The following SLC9A7 variants were observed in gnomAD, a reference collection of about 807,000 sequenced individuals.
The protein encoded by SLC9A7 is solute carrier family 9 member A7, also known as sodium/hydrogen exchanger 7.
SLC9A7 carries 19 observed loss-of-function variants against 52.6 expected under a neutral mutation model. The observed-to-expected ratio is 0.36, with a 90% CI of 0.25 to 0.53. SLC9A7 has a LOEUF of 0.53. Among genes scored for constraint, SLC9A7 ranks in the 20% least tolerant of loss-of-function variants. The pLI is 0.91. For synonymous variants in SLC9A7, 226 were observed against 252.1 expected, an observed-to-expected ratio of 0.90 and a Z score of 0.98; for missense variants, 455 against 597.9, an observed-to-expected ratio of 0.76 and a Z score of 2.49.
intron 14 of SLC9A7, among the ~76,000 whole-genome samples, chrX:46,624,165 T>C (rs774008239): frequency 1.2e-3 from 133 of 112,353 alleles, no homozygotes; most frequent in African/African-American, 3.9e-3. Flanking sequence ...TATAACAAAC[T>C]GGTAATGGTA....
At chrX:46,646,948 T>C in intron 11 of SLC9A7, 1 of 320,870 alleles carries the variant, frequency 3.1e-6, no homozygotes, top group Non-Finnish European at 6.0e-6. Context: ...GATGCTGCTG[T>C]AGAAGGGATG....
At position 46,606,727 on chromosome X, in the gene SLC9A7, T is replaced by A; in HGVS notation, c.*225A>T. On this transcript the variant is annotated 3_prime_UTR_variant, in exon 17 of 17. Transcript: ENST00000616978. ...AACTCTGAAACAGCGCACTACTATG[T>A]GAAAAAAGTGGGAATAGGTCTACGT... is the stretch of plus-strand genomic sequence containing the variant. 5 of 1,072,170 alleles carry A rather than the reference T, an allele frequency of 4.7e-6. No individual in the cohort carries two copies. Among genetic ancestry groups the A allele is most frequent in the Non-Finnish European group, 6.0e-6 (5 of 830,683 alleles). The allele number at this position is 1,072,170 out of a possible 1,213,427, so 88.4% of individuals were successfully genotyped here.
chrX:46,708,991 G>C (rs749307581), intron 1 of SLC9A7, among the ~76,000 whole-genome samples: 1 of 111,539 alleles, frequency 9.0e-6, no homozygotes. Flanking sequence ...TTAAAAATAA[G>C]ATAAATGCGT....
chrX:46,731,758 A>C (rs1427656965), intron 1 of SLC9A7, among the ~76,000 whole-genome samples: 1 of 111,283 alleles, frequency 9.0e-6, no homozygotes, highest in African/African-American at 3.3e-5. Flanking sequence ...ATAAAGGGCT[A>C]ATCTCTGTAA....
Position 46,758,982 on chromosome X carries a change from C to T in SLC9A7, c.48G>A (p.Gly16=). The T allele has an allele frequency of 2.9e-6, 3 of 1,022,883 alleles. No individual in the cohort carries two copies. The highest frequency in any genetic ancestry group is 8.4e-5 in the East Asian group (2 of 23,803). 84.3% of individuals were successfully genotyped at this position (1,022,883 alleles called of 1,213,427 possible). A position where few individuals can be genotyped will look rare whatever the true frequency, so the allele number is the denominator to read the frequency against. The change falls in exon 1 of 17, where the codon GGG becomes GGA. Residue 16 remains glycine, a synonymous_variant. Transcript: ENST00000616978. ...GCAGCAGCAGCCGCGGCGGCGGCGC[C>T]CCGGTAGCCCGACCCGAGCCAGGGC... ...AARPGSGRAT[G]APPPRLLLLP...
Position 46,605,529 on chromosome X carries a change from CAG to C in SLC9A7, c.*1421_*1422del, listed in dbSNP as rs1209439592. ...CTCGGACTCTTAAGCTTATAGAAGA[CAG>C]AGCTTTCTAGTGGGCTGAAAATACT... On this transcript the variant is annotated 3_prime_UTR_variant, in exon 17 of 17. Coordinates refer to ENST00000616978, the MANE Select transcript of SLC9A7 (RefSeq NM_001257291.2). 1.8e-5 allele frequency: 2 copies of C among 111,739 alleles called. No homozygotes were observed. The highest frequency in any genetic ancestry group is 3.8e-5 in the Non-Finnish European group (2 of 53,217). 9.2% of individuals were successfully genotyped at this position (111,739 alleles called of 1,213,427 possible). A position where few individuals can be genotyped will look rare whatever the true frequency, so the allele number is the denominator to read the frequency against.
chrX:46,738,031 A>AAAGAAAGAAAGAAAG (rs1945150816), intron 1 of SLC9A7, among the ~76,000 whole-genome samples: 1 of 70,391 alleles, frequency 1.4e-5, no homozygotes, highest in African/African-American at 6.5e-5. Context: ...TGTCTCAAAA[A>AAAGAAAGAAAGAAAG]AAAGAAAGAA....
chrX:46,678,565 TA>T (rs1294536098), intron 3 of SLC9A7, among the ~76,000 whole-genome samples: 1 of 107,754 alleles, frequency 9.3e-6, no homozygotes, highest in Non-Finnish European at 1.9e-5. Flanking sequence ...CCTCCAAGAG[TA>T]ACTAGGACCA....
At chrX:46,741,295 T>C (rs1921334889) in intron 1 of SLC9A7, among the ~76,000 whole-genome samples, 1 of 111,527 alleles carries the variant, frequency 9.0e-6, no homozygotes, top group Non-Finnish European at 1.9e-5. Context: ...CTAAAATGTA[T>C]ATGGAAAGGC....
At chrX:46,670,551 G>A (rs778132395) in intron 4 of SLC9A7, among the ~76,000 whole-genome samples, 3 of 111,208 alleles carry the variant, frequency 2.7e-5, no homozygotes, top group African/African-American at 9.8e-5. Flanking sequence ...AGCAGCAGCT[G>A]CAGGGGTTAG....
intron 4 of SLC9A7, among the ~76,000 whole-genome samples, chrX:46,671,053 T>G (rs1261662094): frequency 1.8e-5 from 2 of 111,886 alleles, no homozygotes; most frequent in African/African-American, 6.5e-5. Flanking sequence ...AGCCCCTCCT[T>G]TTTTGATGGC....
chrX:46,706,361 G>A lies in SLC9A7; in HGVS notation c.326-23826C>T, dbSNP rs139013076. 9.5e-4 allele frequency among the ~76,000 whole-genome samples: 102 copies of A among 107,520 alleles called. 1 individual carries two copies. In the East Asian group the frequency reaches 0.016, roughly 17 times the overall value. 93.4% of individuals were successfully genotyped at this position (107,520 alleles called of 115,157 possible). A position where few individuals can be genotyped will look rare whatever the true frequency, so the allele number is the denominator to read the frequency against. On this transcript the variant is annotated intron_variant, in intron 1 of 16. Coordinates refer to ENST00000616978, the MANE Select transcript of SLC9A7 (RefSeq NM_001257291.2). ...TAGCTGGAAGGTATAGATGTAATAA[G>A]ACGGATCATGAGCTGGTAATTAACA...
At chrX:46,669,826 A>T in intron 4 of SLC9A7, 107 bp from the exon 5 acceptor site, 1 of 371,487 alleles carries the variant, frequency 2.7e-6, no homozygotes. Context: ...TATGAAAACA[A>T]CAGGCAGCTG....
chrX:46,618,345 C>T (rs775405853), intron 15 of SLC9A7, among the ~76,000 whole-genome samples: 97 of 111,706 alleles, frequency 8.7e-4, no homozygotes, highest in African/African-American at 3.1e-3. Flanking sequence ...TCTGCAATTG[C>T]TAATACCCCT....
intron 1 of SLC9A7, among the ~76,000 whole-genome samples, chrX:46,694,535 T>C (rs1236960875): frequency 9.0e-6 from 1 of 111,647 alleles, no homozygotes; most frequent in African/African-American, 3.3e-5. Context: ...AAAACCATAA[T>C]GAAATACCAT....
intron 7 of SLC9A7, among the ~76,000 whole-genome samples, chrX:46,657,546 A>G (rs1943724209): frequency 9.2e-6 from 1 of 108,127 alleles, no homozygotes; most frequent in Non-Finnish European, 1.9e-5. Context: ...AGCAAATGGA[A>G]AACAAAAAAA....
chrX:46,680,384 G>A (rs1049625391), intron 2 of SLC9A7, among the ~76,000 whole-genome samples: 1 of 109,759 alleles, frequency 9.1e-6, no homozygotes, highest in Non-Finnish European at 1.9e-5. Context: ...TTCATCACAC[G>A]TTTATAAAGA....
chrX:46,709,552 C>T (rs1247130771), intron 1 of SLC9A7, among the ~76,000 whole-genome samples: 3 of 111,562 alleles, frequency 2.7e-5, no homozygotes, highest in African/African-American at 6.5e-5. Flanking sequence ...CAAATGCCTA[C>T]ACCCATTACC....
At chrX:46,708,198 T>C (rs1171930176) in intron 1 of SLC9A7, among the ~76,000 whole-genome samples, 1 of 110,846 alleles carries the variant, frequency 9.0e-6, no homozygotes, top group African/African-American at 3.3e-5. Context: ...TACTCTGTGG[T>C]GGAAATAACA....
Sources: gnomAD v4.1 joint callset for allele counts (sites outside exome capture counted in the v4.1 genomes callset) on GRCh38, gnomAD v4.1.1 for gene constraint, MANE v1.5 for transcripts, NCBI Gene and HGNC (gene_info 2026-07-23, HGNC 2026-07-21) for gene names.